Variants in PPP1R42 observed in about 807,000 individuals in gnomAD.
PPP1R42 encodes leucine rich repeat containing 67.
A neutral mutation model predicts 31.0 loss-of-function variants in PPP1R42; 34 were observed. The observed-to-expected ratio is 1.10, with a 90% confidence interval of 0.83 to 1.46. The LOEUF (loss-of-function observed/expected upper bound fraction) is 1.46, where lower values mean the gene tolerates loss of function less well. Among genes scored for constraint, PPP1R42 ranks in the 40% most tolerant of loss-of-function variants. The probability of loss-of-function intolerance (pLI) is 0.00; values close to 1 mark genes in which losing one functional copy is unlikely to be tolerated. For synonymous variants in PPP1R42, 103 were observed against 109.8 expected, an observed-to-expected ratio of 0.94 and a Z score of 0.39; for missense variants, 268 against 303.0, an observed-to-expected ratio of 0.88 and a Z score of 0.86.
intron 5 of PPP1R42, 106 bp downstream of exon 5, chr8:67,010,609 C>A: frequency 1.3e-6 from 1 of 750,384 alleles, no homozygotes; most frequent in South Asian, 1.7e-5. Context: ...TAGAACAAAT[C>A]CAGAGTAGTT....
chr8:66,995,061 A>C (rs1199990403), intron 5 of PPP1R42, among the ~76,000 whole-genome samples: 1 of 152,182 alleles, frequency 6.6e-6, no homozygotes, highest in Non-Finnish European at 1.5e-5. Flanking sequence ...TTCAGGATGG[A>C]TGTCAGTGAC....
chr8:66,970,305 A>ATT (rs200683229), intron 7 of PPP1R42, among the ~76,000 whole-genome samples: 2 of 144,512 alleles, frequency 1.4e-5, no homozygotes, highest in Non-Finnish European at 3.1e-5. Context: ...TAATTTTTGT[A>ATT]TTTTTTTTTT....
chr8:66,984,246 C>T (rs1814933808), intron 6 of PPP1R42: 3 of 1,491,586 alleles, frequency 2.0e-6, no homozygotes, highest in Middle Eastern at 1.7e-4. Flanking sequence ...GTTTAAACTT[C>T]ATCTCTCCAA....
intron 1 of PPP1R42, among the ~76,000 whole-genome samples, chr8:67,020,437 G>A (rs1169062436): frequency 6.6e-6 from 1 of 152,102 alleles, no homozygotes; most frequent in Non-Finnish European, 1.5e-5. Flanking sequence ...CTGACCTCAG[G>A]TGATCTGCCT....
chr8:67,018,024 A>C (rs530284926), intron 1 of PPP1R42, among the ~76,000 whole-genome samples, 193 bp from the exon 2 acceptor site: 3 of 152,342 alleles, frequency 2.0e-5, no homozygotes, highest in African/African-American at 7.2e-5. Flanking sequence ...CATCAAAATT[A>C]AACGCACAAT....
chr8:66,966,864 T>C (rs1027626684), intron 7 of PPP1R42, among the ~76,000 whole-genome samples: 3 of 152,220 alleles, frequency 2.0e-5, no homozygotes, highest in African/African-American at 7.2e-5. Context: ...AATATAATTC[T>C]TTTGAATTAG....
At chr8:66,976,563 C>CT (rs548499060) in intron 7 of PPP1R42, among the ~76,000 whole-genome samples, 123 of 150,522 alleles carry the variant, frequency 8.2e-4, no homozygotes, top group Middle Eastern at 7.0e-3. Flanking sequence ...CCTTCCCAGT[C>CT]TGTAGTATCC....
At chr8:67,007,511 C>T (rs1276991860) in intron 5 of PPP1R42, among the ~76,000 whole-genome samples, 1 of 152,130 alleles carries the variant, frequency 6.6e-6, no homozygotes, top group Non-Finnish European at 1.5e-5. Context: ...GGGTGTGCAC[C>T]ATTGCTCTGG....
In PPP1R42 at chr8:67,002,740, GT is replaced by G. The variant is rs1239836075; in HGVS notation, c.552+7974del. On this transcript the variant is annotated intron_variant, in intron 5 of 7. Transcript: ENST00000685739. ...CCCCCGCTTTTTTTTTTTTTTCAGT[GT>G]TTTTTTTTTTTCCGTGCTTTACTTT... 8.7e-4 allele frequency among the ~76,000 whole-genome samples: 100 copies of G among 115,034 alleles called. 1 individual carries two copies. Among genetic ancestry groups the G allele is most frequent in the East Asian group, 7.2e-3 (27 of 3,756 alleles). The allele number at this position is 115,034 out of a possible 152,430, so 75.5% of individuals were successfully genotyped here. A position where few individuals can be genotyped will look rare whatever the true frequency, so the allele number is the denominator to read the frequency against.
At chr8:66,995,265 A>C (rs1815303277) in intron 5 of PPP1R42, among the ~76,000 whole-genome samples, 1 of 152,232 alleles carries the variant, frequency 6.6e-6, no homozygotes, top group African/African-American at 2.4e-5. Context: ...AAGCCTTCAG[A>C]AGATTATTTA....
At chr8:66,986,846 T>C (rs183485185) in intron 6 of PPP1R42, among the ~76,000 whole-genome samples, 24 of 152,300 alleles carry the variant, frequency 1.6e-4, no homozygotes, top group Non-Finnish European at 2.8e-4. Flanking sequence ...TAGCCATCCC[T>C]CCTTAACCTT....
rs56931317 is a variant in PPP1R42 at position 67,024,480 on chromosome 8, AT to A, written c.-85+4010del. Among the ~76,000 whole-genome samples, 997 of 142,732 alleles carry A rather than the reference AT, an allele frequency of 7.0e-3. 9 individuals are homozygous for A. The highest frequency in any genetic ancestry group is 0.016 in the African/African-American group (642 of 39,200). The allele number at this position is 142,732 out of a possible 152,430, so 93.6% of individuals were successfully genotyped here. ...CAGGCTCATGCCACCATGCCAGCTA[AT>A]TTTTTTTTTTTTTAGATGGAGTCTT... is the stretch of plus-strand genomic sequence containing the variant. On this transcript the variant is annotated intron_variant, in intron 1 of 7. Coordinates refer to ENST00000685739, the MANE Select transcript of PPP1R42 (RefSeq NM_001364910.1).
intron 6 of PPP1R42, 42 bp from the exon 7 acceptor site, chr8:66,982,222 T>C: frequency 7.9e-6 from 8 of 1,007,974 alleles, no homozygotes; most frequent in Non-Finnish European, 4.0e-6. Context: ...AATATATACA[T>C]ATAAACATAA....
intron 7 of PPP1R42, among the ~76,000 whole-genome samples, chr8:66,966,047 A>G (rs1049804776): frequency 2.6e-5 from 4 of 152,348 alleles, no homozygotes; most frequent in Admixed American, 2.0e-4. Flanking sequence ...CAGCATTACC[A>G]GCTTTTGTTT....
intron 5 of PPP1R42, among the ~76,000 whole-genome samples, chr8:66,989,677 G>C (rs558867063): frequency 1.0e-3 from 153 of 152,240 alleles, no homozygotes; most frequent in Non-Finnish European, 1.9e-3. Context: ...ACTTTCTTTG[G>C]ATATATACCC....
Position 66,985,951 on chromosome 8 carries a change from TCTTTAG to T in PPP1R42, c.670+2443_670+2448del. On this transcript the variant is annotated intron_variant, in intron 6 of 7. Coordinates refer to ENST00000685739, the MANE Select transcript of PPP1R42 (RefSeq NM_001364910.1). ...GCTCAAGAGTCATCACCAAACACCTTCTTTAGCTTTCGTTTTCTGCTTCCGTCACTG... is the reference window on the plus strand; with the variant it reads ...GCTCAAGAGTCATCACCAAACACCTTCTTTCGTTTTCTGCTTCCGTCACTG... 3.9e-6 allele frequency: 3 copies of T among 769,502 alleles called. No individual in the cohort carries two copies. In the South Asian group the frequency reaches 4.4e-5, roughly 11 times the overall value. The allele number at this position is 769,502 out of a possible 1,614,324, so 47.7% of individuals were successfully genotyped here.
At chr8:67,010,346 G>A (rs1291172597) in intron 5 of PPP1R42, among the ~76,000 whole-genome samples, 2 of 152,194 alleles carry the variant, frequency 1.3e-5, no homozygotes, top group African/African-American at 4.8e-5. Context: ...GTAGCCAAGA[G>A]AGAGTTCAGG....
intron 1 of PPP1R42, 59 bp from the exon 2 acceptor site, chr8:67,017,890 T>C: frequency 1.2e-6 from 1 of 808,348 alleles, no homozygotes; most frequent in Non-Finnish European, 1.7e-6. Context: ...GAAAAGTTAT[T>C]CTGACTTACT....
intron 6 of PPP1R42, among the ~76,000 whole-genome samples, chr8:66,983,233 C>T (rs2130925529): frequency 6.6e-6 from 1 of 151,966 alleles, no homozygotes; most frequent in East Asian, 1.9e-4. Flanking sequence ...AATTGGAATC[C>T]TCTATATTAG....
Sources: gnomAD v4.1 joint callset for allele counts (sites outside exome capture counted in the v4.1 genomes callset) on GRCh38, gnomAD v4.1.1 for gene constraint, MANE v1.5 for transcripts, NCBI Gene and HGNC (gene_info 2026-07-23, HGNC 2026-07-21) for gene names.